GRM8: variants seen among roughly 807,000 people sequenced by gnomAD.
GRM8 encodes glutamate metabotropic receptor 8.
In GRM8, 47 loss-of-function variants were observed where a neutral mutation model predicts 87.2. The ratio of observed to expected loss-of-function variants is 0.54; its 90% CI spans 0.43 to 0.69. The LOEUF (loss-of-function observed/expected upper bound fraction) is 0.69. Ranked by LOEUF, GRM8 falls within the 30% of genes least tolerant of loss-of-function variation. GRM8 has a pLI of 0.00. For synonymous variants in GRM8, 396 were observed against 404.5 expected, an observed-to-expected ratio of 0.98 and a Z score of 0.25; for missense variants, 1,019 against 1,139.2, an observed-to-expected ratio of 0.89 and a Z score of 1.52.
At chr7:126,785,237 T>C (rs2151651193) in intron 6 of GRM8, among the ~76,000 whole-genome samples, 1 of 152,282 alleles carries the variant, frequency 6.6e-6, no homozygotes, top group South Asian at 2.1e-4. Flanking sequence ...TTCCAATACT[T>C]TTAGGAACAA....
chr7:126,951,549 T>C (rs1808161092), intron 3 of GRM8, among the ~76,000 whole-genome samples: 1 of 152,016 alleles, frequency 6.6e-6, no homozygotes, highest in Admixed American at 6.6e-5. Context: ...ATAGTAACAC[T>C]AACCTAAATA....
In GRM8 at chr7:126,891,065, C is replaced by T. The variant is rs986698288; in HGVS notation, c.1156+11477G>A. Among the ~76,000 whole-genome samples, 8 of 152,008 alleles carry T rather than the reference C, an allele frequency of 5.3e-5. 1 individual carries two copies. The highest frequency in any genetic ancestry group is 5.3e-4 in the Admixed American group (8 of 15,228). ...TAAACTCAGTATCTCCCACAAAATT[C>T]ATCATCCTCCTTCCCCCTCTTCCCC... On this transcript the variant is annotated intron_variant, in intron 6 of 10. Coordinates refer to ENST00000339582, the MANE Select transcript of GRM8 (RefSeq NM_000845.3).
chr7:126,766,535 T>C (rs1818215466), intron 7 of GRM8, among the ~76,000 whole-genome samples: 1 of 152,142 alleles, frequency 6.6e-6, no homozygotes, highest in African/African-American at 2.4e-5. Context: ...GAGTACCTTT[T>C]GTAGCTCACT....
At chr7:126,691,445 G>A (rs1808797681) in intron 7 of GRM8, among the ~76,000 whole-genome samples, 2 of 152,302 alleles carry the variant, frequency 1.3e-5, no homozygotes, top group African/African-American at 4.8e-5. Flanking sequence ...CGCAGCCGCA[G>A]CTAGGTCGCT....
chr7:127,022,159 T>A (rs1816332697), intron 3 of GRM8, among the ~76,000 whole-genome samples: 1 of 151,284 alleles, frequency 6.6e-6, no homozygotes, highest in Non-Finnish European at 1.5e-5. Flanking sequence ...TCCTTTGAAC[T>A]GATAATGTTT....
At position 126,533,893 on chromosome 7, in the gene GRM8, G is replaced by T; in HGVS notation, c.1495-6C>A. On this transcript the variant is annotated splice_region_variant and splice_polypyrimidine_tract_variant and intron_variant, in intron 8 of 10. Transcript: ENST00000339582. ...GCCCACTGCATGTCTTCCACCTGTGGGTATAAAAAATTAATGAGCCTTCCA... is the reference window on the plus strand; with the variant it reads ...GCCCACTGCATGTCTTCCACCTGTGTGTATAAAAAATTAATGAGCCTTCCA... The T allele has an allele frequency of 1.1e-5, 18 of 1,595,922 alleles. No individual in the cohort carries two copies. The highest frequency in any genetic ancestry group is 1.5e-5 in the Non-Finnish European group (18 of 1,170,684).
chr7:126,501,313 T>A (rs1809608979), intron 9 of GRM8, among the ~76,000 whole-genome samples: 1 of 151,996 alleles, frequency 6.6e-6, no homozygotes, highest in South Asian at 2.1e-4. Context: ...AATCAACTTT[T>A]CAGTTGATTT....
At chr7:126,587,914 A>G (rs1796311086) in intron 8 of GRM8, among the ~76,000 whole-genome samples, 1 of 151,986 alleles carries the variant, frequency 6.6e-6, no homozygotes, top group Non-Finnish European at 1.5e-5. Context: ...AAGATTAAAA[A>G]AAAAAAAAGA....
At chr7:126,909,176 A>T (rs1337855797) in intron 3 of GRM8, among the ~76,000 whole-genome samples, 2 of 152,246 alleles carry the variant, frequency 1.3e-5, no homozygotes, top group Non-Finnish European at 2.9e-5. Context: ...ACAGCATAAG[A>T]TACACCACAG....
chr7:126,883,547 C>T (rs1242981094), intron 6 of GRM8, among the ~76,000 whole-genome samples: 35 of 152,112 alleles, frequency 2.3e-4, no homozygotes, highest in Admixed American at 2.3e-3. Flanking sequence ...CTCTAATATT[C>T]CTTCTAACTC....
chr7:126,987,142 A>C (rs542717837), intron 3 of GRM8, among the ~76,000 whole-genome samples: 1 of 152,310 alleles, frequency 6.6e-6, no homozygotes, highest in East Asian at 1.9e-4. Flanking sequence ...CATATTTGGA[A>C]TCTGATTTAA....
At chr7:126,582,304 C>T (rs1040342794) in intron 8 of GRM8, among the ~76,000 whole-genome samples, 1 of 152,132 alleles carries the variant, frequency 6.6e-6, no homozygotes, top group Admixed American at 6.6e-5. Flanking sequence ...TAAACCAAAG[C>T]CTAATCCAAA....
chr7:126,776,847 C>T (rs2151627834), intron 6 of GRM8, among the ~76,000 whole-genome samples: 1 of 152,244 alleles, frequency 6.6e-6, no homozygotes, highest in African/African-American at 2.4e-5. Context: ...CTCTGAAATT[C>T]TGGATTCTAA....
chr7:126,687,499 A>G (rs1808312904), intron 7 of GRM8, among the ~76,000 whole-genome samples: 1 of 152,102 alleles, frequency 6.6e-6, no homozygotes, highest in African/African-American at 2.4e-5. Flanking sequence ...TCTAGTATTA[A>G]TGAATATATG....
intron 9 of GRM8, among the ~76,000 whole-genome samples, chr7:126,469,670 C>A (rs945028934): frequency 6.6e-6 from 1 of 152,158 alleles, no homozygotes. Context: ...GTTTATTTCT[C>A]CTTCTGCCAT....
At chr7:127,227,086 G>A (rs1313672426) in intron 2 of GRM8, among the ~76,000 whole-genome samples, 2 of 152,234 alleles carry the variant, frequency 1.3e-5, no homozygotes, top group Non-Finnish European at 2.9e-5. Flanking sequence ...AATACATTAA[G>A]TTTAGGTTAA....
intron 3 of GRM8, among the ~76,000 whole-genome samples, chr7:127,089,717 G>C (rs1823867730): frequency 6.6e-6 from 1 of 152,184 alleles, no homozygotes; most frequent in Non-Finnish European, 1.5e-5. Context: ...TAAAACAAAT[G>C]CTTTCTTTAC....
At chr7:127,108,616 TA>T (rs1826040627) in intron 2 of GRM8, among the ~76,000 whole-genome samples, 1 of 152,180 alleles carries the variant, frequency 6.6e-6, no homozygotes, top group Non-Finnish European at 1.5e-5. Flanking sequence ...CCACCCTTTC[TA>T]AAAATGAGCA....
At chr7:127,110,712 AG>A (rs1333810148) in intron 2 of GRM8, among the ~76,000 whole-genome samples, 1 of 152,166 alleles carries the variant, frequency 6.6e-6, no homozygotes, top group African/African-American at 2.4e-5. Flanking sequence ...TTCAGCCCAC[AG>A]AAGAGGAGAT....
Sources: gnomAD v4.1 joint callset for allele counts (sites outside exome capture counted in the v4.1 genomes callset) on GRCh38, gnomAD v4.1.1 for gene constraint, MANE v1.5 for transcripts, NCBI Gene and HGNC (gene_info 2026-07-23, HGNC 2026-07-21) for gene names.